Variants in RYR2 observed in about 807,000 individuals in gnomAD.
RYR2 encodes the protein ryanodine receptor 2.
Under a neutral mutation model 601.1 loss-of-function variants are expected in RYR2, and 227 were observed. The observed-to-expected ratio is 0.38, with a 90% CI of 0.34 to 0.42. The LOEUF (loss-of-function observed/expected upper bound fraction) is 0.42, where lower values mean the gene tolerates loss of function less well. Among genes scored for constraint, RYR2 ranks in the 10% least tolerant of loss-of-function variants. The probability of loss-of-function intolerance (pLI) is 1.00; values close to 1 mark genes in which losing one functional copy is unlikely to be tolerated. For synonymous variants in RYR2, 2,223 were observed against 2,175.1 expected, an observed-to-expected ratio of 1.02 and a Z score of -0.61; for missense variants, 4,646 against 6,156.5, an observed-to-expected ratio of 0.75 and a Z score of 8.21.
intron 65 of RYR2, among the ~76,000 whole-genome samples, chr1:237,701,152 G>A (rs945995788): frequency 1.3e-5 from 2 of 152,238 alleles, no homozygotes; most frequent in African/African-American, 4.8e-5. Context: ...CAGGTGATGG[G>A]CACCTCTGTG....
chr1:237,747,925 A>G (rs1486008034), intron 80 of RYR2, among the ~76,000 whole-genome samples: 1 of 152,164 alleles, frequency 6.6e-6, no homozygotes, highest in Non-Finnish European at 1.5e-5. Flanking sequence ...ATGCTATTGA[A>G]TCATAGAGGG....
chr1:237,277,508 T>C (rs1011459841), intron 2 of RYR2, among the ~76,000 whole-genome samples: 2 of 152,174 alleles, frequency 1.3e-5, no homozygotes, highest in African/African-American at 2.4e-5. Context: ...GAAAAGCTGC[T>C]ATAGGAGTGG....
At chr1:237,372,382 G>A (rs893608391) in intron 6 of RYR2, among the ~76,000 whole-genome samples, 1 of 152,188 alleles carries the variant, frequency 6.6e-6, no homozygotes, top group African/African-American at 2.4e-5. Context: ...AAGATTATCA[G>A]TGTCAGATCA....
rs766039441 is a variant in RYR2, at chr1:237,065,269, C to CTTTTTTTTTT, written c.48+22718_48+22727dup. 1.3e-4 allele frequency among the ~76,000 whole-genome samples: 10 copies of CTTTTTTTTTT among 77,492 alleles called. 3 individuals are homozygous for CTTTTTTTTTT. The highest frequency in any genetic ancestry group is 2.1e-4 in the African/African-American group (4 of 19,160). 50.8% of individuals were successfully genotyped at this position (77,492 alleles called of 152,430 possible). On this transcript the variant is annotated intron_variant, in intron 1 of 104. Coordinates refer to ENST00000366574, the MANE Select transcript of RYR2 (RefSeq NM_001035.3). ...CCTCAAAGAGCTCTTGTGTGCTATC[C>CTTTTTTTTTT]TTTTTTTTTTTTTTTTTTTTTTTTT...
chr1:237,554,660 T>C (rs1008032546), intron 27 of RYR2, among the ~76,000 whole-genome samples: 1 of 151,996 alleles, frequency 6.6e-6, no homozygotes, highest in African/African-American at 2.4e-5. Flanking sequence ...ATGTATTTGA[T>C]AGCTTGAGAG....
chr1:237,116,114 C>A (rs1309338457), intron 1 of RYR2, among the ~76,000 whole-genome samples: 1 of 152,154 alleles, frequency 6.6e-6, no homozygotes, highest in African/African-American at 2.4e-5. Context: ...TTCTGAGTGG[C>A]TTTGCGAGCC....
chr1:237,752,804 A>G (rs1452778024), intron 80 of RYR2, among the ~76,000 whole-genome samples: 1 of 152,182 alleles, frequency 6.6e-6, no homozygotes, highest in African/African-American at 2.4e-5. Flanking sequence ...TGTAGGTCGT[A>G]ACTCTCAGAT....
rs538979927 is a variant in RYR2 at position 237,331,293 on chromosome 1, T to G, written c.273+311T>G. On this transcript the variant is annotated intron_variant, in intron 3 of 104. Transcript: ENST00000366574. ...TTTCAGAGCTGTTATTGTTATTATT[T>G]TAACTCATAGCTTTATGCATGGCTA... Among the ~76,000 whole-genome samples, 3 of 152,358 alleles carry G rather than the reference T, an allele frequency of 2.0e-5. No individual in the cohort carries two copies. In the East Asian group the frequency reaches 5.8e-4, roughly 29 times the overall value.
intron 98 of RYR2, among the ~76,000 whole-genome samples, chr1:237,804,843 A>C (rs79732314): frequency 0.018 from 2,751 of 152,326 alleles, 48 homozygotes; most frequent in Non-Finnish European, 0.028. Context: ...AATGAAAAGC[A>C]AAGAAGGGAA....
intron 1 of RYR2, among the ~76,000 whole-genome samples, chr1:237,081,365 C>T (rs1274310219): frequency 6.6e-6 from 1 of 151,440 alleles, no homozygotes; most frequent in Non-Finnish European, 1.5e-5. Context: ...GGTTCAGGAT[C>T]CACAGGTTTG....
intron 1 of RYR2, among the ~76,000 whole-genome samples, chr1:237,239,262 T>A (rs1276338833): frequency 2.0e-5 from 3 of 152,006 alleles, no homozygotes; most frequent in Non-Finnish European, 2.9e-5. Flanking sequence ...ACCAAGGCAA[T>A]CAAAGACACG....
At chr1:237,151,061 A>T (rs530617526) in intron 1 of RYR2, among the ~76,000 whole-genome samples, 136 of 152,126 alleles carry the variant, frequency 8.9e-4, no homozygotes, top group Non-Finnish European at 1.7e-3. Context: ...TTTCATCTAG[A>T]TTTTAAATTT....
intron 54 of RYR2, among the ~76,000 whole-genome samples, chr1:237,658,279 C>A (rs1683441752): frequency 6.8e-6 from 1 of 147,428 alleles, no homozygotes; most frequent in Non-Finnish European, 1.5e-5. Context: ...AATATAGTTT[C>A]TATAACATAT....
chr1:237,358,992 T>A lies in RYR2; in HGVS notation c.294+3007T>A, dbSNP rs1427263704. Among the ~76,000 whole-genome samples, 3 of 152,102 alleles carry A rather than the reference T, an allele frequency of 2.0e-5. No homozygotes were observed. In the East Asian group the frequency reaches 5.8e-4, roughly 29 times the overall value. ...GGATTTGCAGCCACCCTCTTTGACA[T>A]CCCTGCTTAGGTGGCATAACAATAT... On this transcript the variant is annotated intron_variant, in intron 4 of 104. Coordinates refer to ENST00000366574, the MANE Select transcript of RYR2 (RefSeq NM_001035.3).
intron 63 of RYR2, among the ~76,000 whole-genome samples, chr1:237,692,817 A>G (rs557869947): frequency 2.4e-4 from 36 of 152,164 alleles, no homozygotes; most frequent in Non-Finnish European, 2.2e-4. Context: ...TGCTACTATT[A>G]TAATAGTCTC....
At chr1:237,664,548 T>C (rs1330361248) in intron 56 of RYR2, among the ~76,000 whole-genome samples, 1 of 151,862 alleles carries the variant, frequency 6.6e-6, no homozygotes, top group Non-Finnish European at 1.5e-5. Flanking sequence ...GTGAGAGGGG[T>C]TTCCCCTTAT....
chr1:237,680,814 A>G (rs1227850017), intron 62 of RYR2, among the ~76,000 whole-genome samples: 1 of 152,130 alleles, frequency 6.6e-6, no homozygotes, highest in Non-Finnish European at 1.5e-5. Context: ...GAAGGATAAA[A>G]TATCACTCAT....
intron 12 of RYR2, among the ~76,000 whole-genome samples, chr1:237,433,537 A>G (rs934491262): frequency 2.6e-5 from 4 of 152,200 alleles, no homozygotes; most frequent in African/African-American, 4.8e-5. Context: ...CACATTGTCA[A>G]CATTTCAGAG....
chr1:237,241,185 G>T (rs1686123964), intron 1 of RYR2, among the ~76,000 whole-genome samples: 1 of 152,168 alleles, frequency 6.6e-6, no homozygotes, highest in Non-Finnish European at 1.5e-5. Context: ...AGATCAGTTG[G>T]TCATACTGTA....
Sources: allele counts gnomAD v4.1 joint callset (sites outside exome capture counted in the v4.1 genomes callset), GRCh38; gene constraint gnomAD v4.1.1; transcripts MANE v1.5; gene names NCBI Gene and HGNC (gene_info 2026-07-23, HGNC 2026-07-21).